Variants in BABAM2 observed in about 807,000 individuals in gnomAD.
The protein encoded by BABAM2 is BRISC and BRCA1 A complex member 2.
BABAM2 carries 31 observed loss-of-function variants against 54.7 expected under a neutral mutation model. The ratio of observed to expected loss-of-function variants is 0.57; its 90% CI spans 0.43 to 0.77. The LOEUF (loss-of-function observed/expected upper bound fraction) is 0.77. Among genes scored for constraint, BABAM2 ranks in the 30% least tolerant of loss-of-function variants. BABAM2 has a pLI of 0.00. For missense variants in BABAM2, 364 were observed against 455.8 expected (o/e 0.80, Z 1.83); for synonymous variants, 167 against 162.9 (o/e 1.03, Z -0.19).
intron 3 of BABAM2, among the ~76,000 whole-genome samples, chr2:27,972,553 A>G (rs1031362890): frequency 1.3e-5 from 2 of 152,048 alleles, no homozygotes; most frequent in African/African-American, 2.4e-5. Context: ...TGCTAGCCAC[A>G]TGTGGTGATG....
At chr2:27,902,759 A>T (rs1453301679) in intron 2 of BABAM2, among the ~76,000 whole-genome samples, 1 of 152,192 alleles carries the variant, frequency 6.6e-6, no homozygotes, top group Non-Finnish European at 1.5e-5. Flanking sequence ...AATTACATGT[A>T]TTACAAATAT....
rs1395570654 is a variant in BABAM2 at position 28,131,283 on chromosome 2, G to A, written c.680+1903G>A. 9.7e-4 allele frequency among the ~76,000 whole-genome samples: 50 copies of A among 51,478 alleles called. 17 individuals carry two copies. Among genetic ancestry groups the A allele is most frequent in the African/African-American group, 3.7e-3 (49 of 13,288 alleles). 33.8% of individuals were successfully genotyped at this position (51,478 alleles called of 152,430 possible). The stretch of plus-strand genomic sequence containing the variant: ...TTTTTAGTAGAGACGGGGTTTCACC[G>A]TTTTAGCCGGGATGGTCTCGATCTC... On this transcript the variant is annotated intron_variant, in intron 7 of 11. Transcript: ENST00000379624.
chr2:28,072,073 T>C (rs978149068), intron 6 of BABAM2, among the ~76,000 whole-genome samples: 60 of 152,128 alleles, frequency 3.9e-4, no homozygotes, highest in Non-Finnish European at 5.7e-4. Flanking sequence ...CAGGCTGGAG[T>C]GCAGTGGCAC....
intron 2 of BABAM2, among the ~76,000 whole-genome samples, chr2:27,916,916 G>T (rs1054643023): frequency 6.6e-6 from 1 of 150,982 alleles, no homozygotes; most frequent in African/African-American, 2.4e-5. Context: ...TTTAAATTGT[G>T]TTGTGTGACT....
chr2:27,964,767 G>T (rs1228400392), intron 3 of BABAM2, among the ~76,000 whole-genome samples: 2 of 152,154 alleles, frequency 1.3e-5, no homozygotes, highest in African/African-American at 4.8e-5. Flanking sequence ...TGTCCAAGAT[G>T]ATTTTATTGG....
chr2:27,962,248 G>A (rs1215696704), intron 3 of BABAM2, among the ~76,000 whole-genome samples: 2 of 152,104 alleles, frequency 1.3e-5, no homozygotes, highest in Admixed American at 1.3e-4. Flanking sequence ...TGGGATTACT[G>A]GTGTAAGCCA....
chr2:28,196,783 A>T (rs1289756558), intron 7 of BABAM2, among the ~76,000 whole-genome samples: 1 of 147,896 alleles, frequency 6.8e-6, no homozygotes, highest in African/African-American at 2.5e-5. Context: ...CAGAAATTCA[A>T]GCCTATAGAG....
chr2:28,044,882 G>A (rs1335095625), intron 5 of BABAM2, among the ~76,000 whole-genome samples: 2 of 151,914 alleles, frequency 1.3e-5, no homozygotes, highest in Non-Finnish European at 2.9e-5. Flanking sequence ...ATGGAAGACC[G>A]AGGATTCCAC....
rs927150659 is a variant in BABAM2 at position 28,322,502 on chromosome 2, G to A, written c.1089-15948G>A. Among the ~76,000 whole-genome samples, 2 of 152,240 alleles carry A rather than the reference G, an allele frequency of 1.3e-5. No homozygotes were observed. The highest frequency in any genetic ancestry group is 4.8e-5 in the African/African-American group (2 of 41,460). ...CGCGCTCTCAAGGTGTTCCAGCAGG[G>A]TGAGGATCACCCCCCAGAAGTGCTG... On this transcript the variant is annotated intron_variant, in intron 11 of 11. Coordinates refer to ENST00000379624, the MANE Select transcript of BABAM2 (RefSeq NM_199191.3). The surrounding 1 kb of genome is among the most constrained non-coding windows in gnomAD (Gnocchi z 4.1).
intron 7 of BABAM2, among the ~76,000 whole-genome samples, chr2:28,185,783 G>C (rs1490196723): frequency 6.6e-6 from 1 of 151,656 alleles, no homozygotes; most frequent in Admixed American, 6.6e-5. Context: ...TAGAGACATT[G>C]TTTAATCTTC....
chr2:28,115,449 A>G (rs1453585723), intron 6 of BABAM2, among the ~76,000 whole-genome samples: 3 of 151,798 alleles, frequency 2.0e-5, no homozygotes, highest in Non-Finnish European at 4.4e-5. Context: ...ACACGATGAA[A>G]CCCTGTCTCT....
chr2:28,320,067 A>G (rs1546029), intron 11 of BABAM2, among the ~76,000 whole-genome samples: 37,166 of 151,994 alleles, frequency 0.24, 4,779 homozygotes, highest in African/African-American at 0.31. Context: ...GATTTCCACC[A>G]CTCAATTCAT....
At chr2:28,245,101 A>T (rs1362732611) in intron 10 of BABAM2, among the ~76,000 whole-genome samples, 4 of 151,980 alleles carry the variant, frequency 2.6e-5, no homozygotes, top group African/African-American at 7.2e-5. Context: ...TTTGATTGTT[A>T]TGACTGAGGG....
intron 6 of BABAM2, among the ~76,000 whole-genome samples, chr2:28,109,110 A>AGGGCTGACAT (rs1219434678): frequency 6.6e-6 from 1 of 151,772 alleles, no homozygotes; most frequent in Non-Finnish European, 1.5e-5. Context: ...CAGGGGAGGA[A>AGGGCTGACAT]GGGCTGACAT....
At chr2:28,000,724 A>G (rs1673522032) in intron 4 of BABAM2, among the ~76,000 whole-genome samples, 1 of 152,334 alleles carries the variant, frequency 6.6e-6, no homozygotes, top group African/African-American at 2.4e-5. Context: ...ATTTATTTGT[A>G]TCAGTATGGA....
chr2:28,274,541 C>T (rs1043665708), intron 10 of BABAM2, among the ~76,000 whole-genome samples: 2 of 152,186 alleles, frequency 1.3e-5, no homozygotes, highest in Non-Finnish European at 2.9e-5. Context: ...AATCCTCCCA[C>T]CTCAACCCCC....
At chr2:28,095,764 C>T (rs367555966) in intron 6 of BABAM2, among the ~76,000 whole-genome samples, 4 of 152,092 alleles carry the variant, frequency 2.6e-5, no homozygotes, top group East Asian at 1.9e-4. Flanking sequence ...GAACAAAGGA[C>T]GTAATAATTC....
At chr2:28,070,838 G>C (rs767008314) in intron 6 of BABAM2, among the ~76,000 whole-genome samples, 2 of 152,064 alleles carry the variant, frequency 1.3e-5, no homozygotes, top group Non-Finnish European at 2.9e-5. Flanking sequence ...TTACTCTCAA[G>C]TAAAGTTACA....
chr2:27,915,429 T>C (rs2148316395), intron 2 of BABAM2, among the ~76,000 whole-genome samples: 1 of 152,330 alleles, frequency 6.6e-6, no homozygotes, highest in African/African-American at 2.4e-5. Flanking sequence ...CTGTTATCCT[T>C]ATTTTACAAA....
Sources: allele counts gnomAD v4.1 joint callset (sites outside exome capture counted in the v4.1 genomes callset), GRCh38; gene constraint gnomAD v4.1.1; non-coding constraint Gnocchi (gnomAD v3.1); transcripts MANE v1.5; gene names NCBI Gene and HGNC (gene_info 2026-07-23, HGNC 2026-07-21).